The following MDN1 variants were observed in gnomAD, a reference collection of about 807,000 sequenced individuals.
The protein encoded by MDN1 is midasin.
In MDN1, 266 loss-of-function variants were observed where a neutral mutation model predicts 669.2. That is an observed-to-expected ratio of 0.40 (90% confidence interval 0.36 to 0.44). The LOEUF is 0.44. MDN1 is among the 20% of genes least tolerant of loss of function. The pLI, the probability that MDN1 is intolerant of heterozygous loss-of-function variation, is 1.00. For synonymous variants in MDN1, 2,385 were observed against 2,457.1 expected (o/e 0.97, Z 0.87); for missense variants, 5,940 against 6,754.0 (o/e 0.88, Z 4.22).
Position 89,722,499 on chromosome 6 carries a change from C to G in MDN1, c.5967+456G>C, listed in dbSNP as rs76081260. ...CAAGCTACTCTATATTGTGAGACCC[C>G]AAGGTAGGAGAACGTTTAGTCTGTT... On this transcript the variant is annotated intron_variant, in intron 40 of 101. Transcript: ENST00000369393. 7.7e-3 allele frequency among the ~76,000 whole-genome samples: 1,178 copies of G among 152,270 alleles called. 12 individuals are homozygous for G. Among genetic ancestry groups the G allele is most frequent in the African/African-American group, 0.02 (830 of 41,562 alleles).
At chr6:89,662,752 C>A in intron 86 of MDN1, 40 bp downstream of exon 86, 1 of 1,606,540 alleles carries the variant, frequency 6.2e-7, no homozygotes, top group African/African-American at 1.3e-5. Flanking sequence ...CAGATTACCT[C>A]CTCTCAGCTT....
chr6:89,743,184 A>G lies in MDN1; in HGVS notation c.4414T>C (p.Leu1472=), dbSNP rs1342573415. The G allele has an allele frequency of 5.0e-6, 8 of 1,614,058 alleles. No individual in the cohort carries two copies. The highest frequency in any genetic ancestry group is 2.2e-5 in the South Asian group (2 of 91,090). ...CTTTCCAAGACAGAGTCATCGGCCA[A>G]TGAGATCTCATCCAAGAGGAAAAAG... is the stretch of plus-strand genomic sequence containing the variant. The part of the protein sequence containing the change: ...DGFFLLDEIS[L]ADDSVLERLN... The change falls in exon 31 of 102, where the codon TTG becomes CTG. Residue 1472 remains leucine (L), a synonymous_variant. Transcript: ENST00000369393.
intron 29 of MDN1, among the ~76,000 whole-genome samples, chr6:89,744,249 T>A (rs1294821678): frequency 1.3e-5 from 2 of 150,908 alleles, no homozygotes; most frequent in Non-Finnish European, 2.9e-5. Context: ...TTAAAAGAAC[T>A]AAATAGACAA....
chr6:89,669,933 A>G (rs1161755823), intron 83 of MDN1, among the ~76,000 whole-genome samples: 1 of 151,590 alleles, frequency 6.6e-6, no homozygotes, highest in East Asian at 2.0e-4. Flanking sequence ...GGCTGGGCGC[A>G]GTGGCTTACA....
chr6:89,672,622 T>G lies in MDN1; in HGVS notation c.13555A>C (p.Ile4519Leu). ...EIAIRAILCA[I>L]QNLEERKNEK... Reference sequence around the variant, plus strand: ...TTCTTTCTTTCTTCTAAGTTCTGGATGGCACAGAGGATGGCTCGGATGGCA... The same window carrying G: ...TTCTTTCTTTCTTCTAAGTTCTGGAGGGCACAGAGGATGGCTCGGATGGCA... The change falls in exon 81 of 102, where the codon ATC becomes CTC. Residue 4519 changes from isoleucine to leucine, a missense_variant. Physicochemically the swap from Ile to Leu is conservative, Grantham distance 5. Coordinates refer to ENST00000369393, the MANE Select transcript of MDN1 (RefSeq NM_014611.3). The G allele has an allele frequency of 6.2e-7, 1 of 1,614,190 alleles. No homozygotes were observed. Among genetic ancestry groups the G allele is most frequent in the Non-Finnish European group, 8.5e-7 (1 of 1,180,030 alleles).
chr6:89,762,106 T>C (rs1817574799), intron 16 of MDN1, among the ~76,000 whole-genome samples: 1 of 152,228 alleles, frequency 6.6e-6, no homozygotes, highest in South Asian at 2.1e-4. Context: ...TGTGCCTTAC[T>C]GACCACTAAA....
intron 7 of MDN1, among the ~76,000 whole-genome samples, chr6:89,789,189 A>G (rs1196560486): frequency 6.6e-6 from 1 of 152,196 alleles, no homozygotes; most frequent in Non-Finnish European, 1.5e-5. Flanking sequence ...AAGGAAGAAT[A>G]TTTCATCCTG....
intron 33 of MDN1, among the ~76,000 whole-genome samples, chr6:89,735,918 G>A (rs2128316093): frequency 6.6e-6 from 1 of 152,280 alleles, no homozygotes; most frequent in South Asian, 2.1e-4. Flanking sequence ...TACTCGGGAG[G>A]CTGAGGCAGG....
chr6:89,753,082 T>C (rs1374671063), intron 22 of MDN1, among the ~76,000 whole-genome samples: 1 of 151,832 alleles, frequency 6.6e-6, no homozygotes, highest in African/African-American at 2.4e-5. Flanking sequence ...GAGATTACAC[T>C]ACTGCATTCC....
chr6:89,747,686 T>C (rs939816301), intron 26 of MDN1, among the ~76,000 whole-genome samples: 1 of 151,026 alleles, frequency 6.6e-6, no homozygotes, highest in Non-Finnish European at 1.5e-5. Context: ...GGTCAGGAAA[T>C]CGAGACCATC....
chr6:89,755,642 C>A (rs1292201347), intron 20 of MDN1, among the ~76,000 whole-genome samples: 1 of 152,120 alleles, frequency 6.6e-6, no homozygotes, highest in East Asian at 1.9e-4. Flanking sequence ...TATTTCAATC[C>A]TTTTACATGT....
Position 89,682,446 on chromosome 6 carries a change from C to T in MDN1, c.12102+686G>A, listed in dbSNP as rs958425841. ...AAGTTCGGCCAGGAGCGGTGGCTCC[C>T]GCCTGTAATCCGAGCACTTTGGGAG... On this transcript the variant is annotated intron_variant, in intron 73 of 101. Transcript: ENST00000369393. Among the ~76,000 whole-genome samples, 16 of 152,152 alleles carry T rather than the reference C, an allele frequency of 1.1e-4. 1 individual carries two copies. In the South Asian group the frequency reaches 2.7e-3, roughly 26 times the overall value.
chr6:89,744,141 A>C (rs1816459783), intron 29 of MDN1, among the ~76,000 whole-genome samples: 1 of 150,888 alleles, frequency 6.6e-6, no homozygotes, highest in African/African-American at 2.4e-5. Flanking sequence ...ACCACCACCA[A>C]GAGAGGGAAA....
At chr6:89,725,942 C>T (rs1444902450) in intron 37 of MDN1, among the ~76,000 whole-genome samples, 2 of 149,620 alleles carry the variant, frequency 1.3e-5, no homozygotes, top group Non-Finnish European at 3.0e-5. Context: ...CACACACACA[C>T]ACACACACAC....
chr6:89,661,676 G>A (rs1384644697), intron 87 of MDN1, 98 bp from the exon 88 acceptor site: 2 of 1,155,674 alleles, frequency 1.7e-6, no homozygotes, highest in Non-Finnish European at 2.4e-6. Context: ...TTTACACTGT[G>A]AGAGAACACA....
At chr6:89,664,141 TTAGGAATAAAAGGTATTTTAAACAC>T (rs1306886860) in intron 85 of MDN1, among the ~76,000 whole-genome samples, 1 of 152,180 alleles carries the variant, frequency 6.6e-6, no homozygotes, top group Admixed American at 6.5e-5. Context: ...ATTTTTCTAA[TTAGGAATAAAAGGTATTTTAAACAC>T]TACAGAACAA....
chr6:89,732,855 TG>T, intron 33 of MDN1, 80 bp from the exon 34 acceptor site: 1 of 1,328,972 alleles, frequency 7.5e-7, no homozygotes, highest in Non-Finnish European at 1.1e-6. Context: ...GGCACACAAA[TG>T]GCCTAAAAGG....
intron 5 of MDN1, among the ~76,000 whole-genome samples, chr6:89,791,995 G>A (rs1301424017): frequency 2.0e-5 from 3 of 149,984 alleles, no homozygotes; most frequent in Non-Finnish European, 4.4e-5. Context: ...AGCCTCCCGA[G>A]TAGCTGGGAC....
intron 17 of MDN1, 61 bp from the exon 18 acceptor site, chr6:89,759,021 C>T (rs1817401304): frequency 3.3e-6 from 5 of 1,519,122 alleles, no homozygotes; most frequent in Non-Finnish European, 2.7e-6. Flanking sequence ...TTGCCAAGAA[C>T]AGTTATGCAA....
Sources: allele counts gnomAD v4.1 joint callset (sites outside exome capture counted in the v4.1 genomes callset), GRCh38; gene constraint gnomAD v4.1.1; transcripts MANE v1.5; gene names NCBI Gene and HGNC (gene_info 2026-07-23, HGNC 2026-07-21).